The following TRIP12 variants were observed in gnomAD, a reference collection of about 807,000 sequenced individuals.
TRIP12 encodes thyroid hormone receptor interactor 12, also known as E3 ubiquitin-protein ligase TRIP12.
TRIP12 carries 25 observed loss-of-function variants against 244.2 expected under a neutral mutation model. The ratio of observed to expected loss-of-function variants is 0.10; its 90% CI spans 0.07 to 0.14. The LOEUF (loss-of-function observed/expected upper bound fraction) is 0.14, where lower values mean the gene tolerates loss of function less well. Ranked by LOEUF, TRIP12 falls within the 10% of genes least tolerant of loss-of-function variation. The pLI, the probability that TRIP12 is intolerant of heterozygous loss-of-function variation, is 1.00. For missense variants in TRIP12, 1,677 were observed against 2,486.4 expected, an observed-to-expected ratio of 0.67 and a Z score of 6.92; for synonymous variants, 905 against 873.1, an observed-to-expected ratio of 1.04 and a Z score of -0.64.
rs546820020 is a variant in TRIP12, at chr2:229,798,554, G to A, written c.3482+321C>T. On this transcript the variant is annotated intron_variant, in intron 23 of 41. Coordinates refer to ENST00000675903, the MANE Select transcript of TRIP12 (RefSeq NM_001348323.3). ...TATCATAAAAGATGTGAAGAATGTG[G>A]ACAGAAAATGTCAGCTTTTCCTTGT... 3.9e-5 allele frequency among the ~76,000 whole-genome samples: 6 copies of A among 152,132 alleles called. No homozygotes were observed. The East Asian group carries it at 1.2e-3, about 29-fold the overall frequency.
chr2:229,887,410 C>T (rs756441177), intron 1 of TRIP12, among the ~76,000 whole-genome samples: 1 of 151,046 alleles, frequency 6.6e-6, no homozygotes, highest in Non-Finnish European at 1.5e-5. Flanking sequence ...TGGAGTGGTT[C>T]CTTGAGCCTG....
intron 6 of TRIP12, among the ~76,000 whole-genome samples, chr2:229,834,189 T>C (rs761008225): frequency 4.6e-5 from 7 of 152,240 alleles, no homozygotes; most frequent in Non-Finnish European, 5.9e-5. Context: ...TGGAGAGATG[T>C]TGTCTAAATC....
intron 39 of TRIP12, 123 bp downstream of exon 39, chr2:229,771,396 C>A (rs928300162): frequency 1.5e-6 from 1 of 673,190 alleles, no homozygotes; most frequent in Admixed American, 2.8e-5. Context: ...AAACATCCAT[C>A]CCCTGCTATC....
At chr2:229,826,144 T>A (rs565736309) in intron 8 of TRIP12, among the ~76,000 whole-genome samples, 18 of 152,326 alleles carry the variant, frequency 1.2e-4, no homozygotes, top group African/African-American at 4.3e-4. Flanking sequence ...CCTTTATATA[T>A]TTCTACTAAA....
intron 39 of TRIP12, among the ~76,000 whole-genome samples, chr2:229,771,303 C>T (rs552054753): frequency 3.7e-4 from 56 of 152,350 alleles, no homozygotes; most frequent in South Asian, 1.0e-3. Context: ...TGCTTACTGT[C>T]ACGCGTGGAA....
intron 4 of TRIP12, among the ~76,000 whole-genome samples, chr2:229,854,957 G>A (rs1427452568): frequency 6.6e-6 from 1 of 152,078 alleles, no homozygotes; most frequent in Non-Finnish European, 1.5e-5. Flanking sequence ...CGGTAAACTG[G>A]GAATAAAAAT....
At chr2:229,900,119 T>C (rs189984878) in intron 1 of TRIP12, among the ~76,000 whole-genome samples, 82 of 152,346 alleles carry the variant, frequency 5.4e-4, no homozygotes, top group African/African-American at 1.8e-3. Flanking sequence ...TAACACACTA[T>C]GTACAGACTG....
chr2:229,801,498 G>A, intron 21 of TRIP12, among the ~76,000 whole-genome samples: 1 of 152,164 alleles, frequency 6.6e-6, no homozygotes, highest in East Asian at 1.9e-4. Flanking sequence ...TTTAAAAGGA[G>A]CCAGAAAGAG....
intron 3 of TRIP12, 115 bp from the exon 4 acceptor site, chr2:229,859,689 C>T (rs562608479): frequency 8.5e-7 from 1 of 1,183,338 alleles, no homozygotes; most frequent in African/African-American, 1.5e-5. Flanking sequence ...CAGTATTAAA[C>T]ATAGGTTTTC....
intron 2 of TRIP12, among the ~76,000 whole-genome samples, chr2:229,872,938 A>G (rs1423140358): frequency 6.6e-6 from 1 of 152,246 alleles, no homozygotes; most frequent in Non-Finnish European, 1.5e-5. Flanking sequence ...TAGTTTTTAC[A>G]CAATAAACTG....
At chr2:229,877,186 G>T (rs113801391) in intron 2 of TRIP12, among the ~76,000 whole-genome samples, 215 of 151,576 alleles carry the variant, frequency 1.4e-3, no homozygotes, top group African/African-American at 5.1e-3. Flanking sequence ...CTGCACTACA[G>T]CCAGAAAAAT....
intron 39 of TRIP12, among the ~76,000 whole-genome samples, chr2:229,770,680 A>G (rs1003129254): frequency 6.6e-6 from 1 of 152,186 alleles, no homozygotes; most frequent in African/African-American, 2.4e-5. Flanking sequence ...CCCAAATCTC[A>G]TCTTGAACTG....
chr2:229,857,121 T>C (rs2059725342), intron 4 of TRIP12, among the ~76,000 whole-genome samples: 1 of 152,344 alleles, frequency 6.6e-6, no homozygotes, highest in South Asian at 2.1e-4. Context: ...ATATGAGCTA[T>C]ACTTTGACAA....
At chr2:229,922,749 C>G, upstream of TRIP12, 1 of 800,002 alleles carries the variant, frequency 1.3e-6, no homozygotes. Flanking sequence ...GGGAGATTTT[C>G]CTCGTCACCT....
chr2:229,772,020 A>AT (rs1214056433), intron 38 of TRIP12, among the ~76,000 whole-genome samples: 1 of 152,258 alleles, frequency 6.6e-6, no homozygotes. Flanking sequence ...GCCACTATTA[A>AT]GGGTTTTTAA....
At chr2:229,809,696 T>C (rs1250577215) in intron 15 of TRIP12, among the ~76,000 whole-genome samples, 1 of 151,772 alleles carries the variant, frequency 6.6e-6, no homozygotes, top group Admixed American at 6.6e-5. Context: ...GAAAGAGCAC[T>C]TTCTTCAGGA....
At chr2:229,854,543 G>A (rs2059271254) in intron 4 of TRIP12, among the ~76,000 whole-genome samples, 1 of 152,124 alleles carries the variant, frequency 6.6e-6, no homozygotes, top group African/African-American at 2.4e-5. Flanking sequence ...CGGAGAACAA[G>A]TTACAAACAT....
rs534481678 is a variant in TRIP12, at chr2:229,835,184, T to C, written c.1270+1664A>G. Among the ~76,000 whole-genome samples the C allele has an allele frequency of 7.9e-5, 12 of 152,324 alleles. No homozygotes were observed. The South Asian group carries it at 2.5e-3, about 32-fold the overall frequency. On this transcript the variant is annotated intron_variant, in intron 6 of 41. Coordinates refer to ENST00000675903, the MANE Select transcript of TRIP12 (RefSeq NM_001348323.3). ...TTCATAAGAGATCTATCCTCCAAAA[T>C]GTAATGAAGTCAGTTTTCTAATACA... is the stretch of plus-strand genomic sequence containing the variant.
At chr2:229,893,414 A>G (rs1425020419) in intron 1 of TRIP12, among the ~76,000 whole-genome samples, 2 of 152,134 alleles carry the variant, frequency 1.3e-5, no homozygotes, top group Non-Finnish European at 2.9e-5. Context: ...TATACAGTCT[A>G]TCACCCAAGA....
Sources: allele counts gnomAD v4.1 joint callset (sites outside exome capture counted in the v4.1 genomes callset), GRCh38; gene constraint gnomAD v4.1.1; transcripts MANE v1.5; gene names NCBI Gene and HGNC (gene_info 2026-07-23, HGNC 2026-07-21).